Variants in FSTL4 observed in about 807,000 individuals in gnomAD.
The protein encoded by FSTL4 is follistatin like 4.
Under a neutral mutation model 78.2 loss-of-function variants are expected in FSTL4, and 28 were observed. The ratio of observed to expected loss-of-function variants is 0.36; its 90% CI spans 0.27 to 0.49. The LOEUF is 0.49. Among genes scored for constraint, FSTL4 ranks in the 20% least tolerant of loss-of-function variants. FSTL4 has a pLI of 0.98. For missense variants in FSTL4, 922 were observed against 1,084.9 expected (o/e 0.85, Z 2.11); for synonymous variants, 422 against 440.5 (o/e 0.96, Z 0.53).
intron 3 of FSTL4, among the ~76,000 whole-genome samples, chr5:133,495,578 G>C (rs755574446): frequency 9.9e-5 from 15 of 152,224 alleles, no homozygotes; most frequent in Non-Finnish European, 2.1e-4. Context: ...TCTACAAAGA[G>C]AGAACTGAAA....
At position 133,565,958 on chromosome 5, in the gene FSTL4, T is replaced by C. The variant is rs377420348; in HGVS notation, c.160+1228A>G. Among the ~76,000 whole-genome samples the C allele has an allele frequency of 1.0e-3, 154 of 152,344 alleles. 3 individuals are homozygous for C. In the South Asian group the frequency reaches 0.027, roughly 26 times the overall value. On this transcript the variant is annotated intron_variant, in intron 3 of 15. Transcript: ENST00000265342. ...CCAACTTACATGGTCACAGTACCCA[T>C]TGTGAACACTACTTTCCATAAGAAA...
At chr5:133,608,387 T>C (rs746624092) in intron 1 of FSTL4, among the ~76,000 whole-genome samples, 8 of 152,216 alleles carry the variant, frequency 5.3e-5, no homozygotes, top group Non-Finnish European at 1.2e-4. Flanking sequence ...TCAACAGACA[T>C]TCCCCCAGTC....
intron 2 of FSTL4, among the ~76,000 whole-genome samples, chr5:133,589,646 C>T (rs256243): frequency 2.0e-5 from 3 of 151,992 alleles, no homozygotes; most frequent in Admixed American, 6.5e-5. Flanking sequence ...GGCCACCCAC[C>T]GCCCAGCCCC....
intron 3 of FSTL4, among the ~76,000 whole-genome samples, chr5:133,508,285 G>A (rs1340264508): frequency 1.3e-5 from 2 of 152,158 alleles, no homozygotes; most frequent in Admixed American, 1.3e-4. Flanking sequence ...GGATGGGTGG[G>A]AATCATCTTA....
At chr5:133,431,713 A>G (rs1209564562) in intron 3 of FSTL4, among the ~76,000 whole-genome samples, 1 of 152,218 alleles carries the variant, frequency 6.6e-6, no homozygotes, top group Non-Finnish European at 1.5e-5. Context: ...TCACACAATC[A>G]TGAACTAAAA....
intron 4 of FSTL4, among the ~76,000 whole-genome samples, chr5:133,360,473 A>ATTT (rs57176651): frequency 4.6e-5 from 6 of 131,014 alleles, no homozygotes; most frequent in South Asian, 2.5e-4. Flanking sequence ...TCAGGCAATA[A>ATTT]TTTTTTTTTT....
the FSTL4 span, among the ~76,000 whole-genome samples, chr5:133,746,356 T>G: frequency 6.6e-6 from 1 of 152,222 alleles, no homozygotes; most frequent in African/African-American, 2.4e-5. Context: ...TACGTGGTCC[T>G]GTCCTTCTCT....
chr5:133,791,421 G>A, the FSTL4 span, among the ~76,000 whole-genome samples: 2 of 151,950 alleles, frequency 1.3e-5, no homozygotes, highest in South Asian at 2.1e-4. Flanking sequence ...GCTTCCCCTT[G>A]GTAGAAACTA....
At chr5:133,391,735 C>A (rs998452816) in intron 4 of FSTL4, among the ~76,000 whole-genome samples, 2 of 152,180 alleles carry the variant, frequency 1.3e-5, no homozygotes, top group African/African-American at 4.8e-5. Flanking sequence ...TTGCCACTGC[C>A]TGGGATACTC....
At chr5:133,582,480 C>T (rs1480655912) in intron 2 of FSTL4, among the ~76,000 whole-genome samples, 2 of 152,156 alleles carry the variant, frequency 1.3e-5, no homozygotes, top group Non-Finnish European at 2.9e-5. Flanking sequence ...CCTGGTTGTG[C>T]CCCCAGCAAT....
the FSTL4 span, among the ~76,000 whole-genome samples, chr5:133,783,141 T>C: frequency 3.3e-5 from 5 of 152,164 alleles, no homozygotes; most frequent in Non-Finnish European, 2.9e-5. Context: ...AACTCCCAAG[T>C]GCTCACAGTT....
chr5:133,462,589 C>T (rs975458637), intron 3 of FSTL4, among the ~76,000 whole-genome samples: 1 of 152,154 alleles, frequency 6.6e-6, no homozygotes, highest in African/African-American at 2.4e-5. Flanking sequence ...TCCATGACAA[C>T]GATTGGTTCG....
At chr5:133,329,375 G>A (rs191928222) in intron 4 of FSTL4, among the ~76,000 whole-genome samples, 1 of 151,806 alleles carries the variant, frequency 6.6e-6, no homozygotes, top group Non-Finnish European at 1.5e-5. Context: ...TCTCTTAGAG[G>A]GCCAGAACTC....
intron 11 of FSTL4, among the ~76,000 whole-genome samples, chr5:133,222,766 G>A (rs1329404062): frequency 6.6e-6 from 1 of 152,214 alleles, no homozygotes; most frequent in East Asian, 1.9e-4. Context: ...TGTAGCTTCT[G>A]CTAAGAGGGC....
chr5:133,794,653 C>T, the FSTL4 span, among the ~76,000 whole-genome samples: 3 of 152,210 alleles, frequency 2.0e-5, no homozygotes, highest in Admixed American at 2.0e-4. Flanking sequence ...TGACAAGCTG[C>T]AGAGGGCATC....
chr5:133,487,869 G>A (rs1758169094), intron 3 of FSTL4, among the ~76,000 whole-genome samples: 1 of 152,180 alleles, frequency 6.6e-6, no homozygotes, highest in African/African-American at 2.4e-5. Flanking sequence ...CACCGGGTCT[G>A]GCTCTAACTC....
At chr5:133,420,889 C>A (rs959971710) in intron 3 of FSTL4, among the ~76,000 whole-genome samples, 7 of 152,210 alleles carry the variant, frequency 4.6e-5, no homozygotes, top group African/African-American at 1.7e-4. Context: ...GTGTTCTATA[C>A]GAGAAGGGTG....
At chr5:133,659,269 A>G in the FSTL4 span, among the ~76,000 whole-genome samples, 1 of 152,216 alleles carries the variant, frequency 6.6e-6, no homozygotes, top group East Asian at 1.9e-4. Context: ...ATGTCTGTTG[A>G]TGACACATTA....
At chr5:133,772,091 C>CAT in the FSTL4 span, among the ~76,000 whole-genome samples, 1 of 152,042 alleles carries the variant, frequency 6.6e-6, no homozygotes. Context: ...ATGATTTTTG[C>CAT]CAGGTAAGTA....
Sources: allele counts gnomAD v4.1 joint callset (sites outside exome capture counted in the v4.1 genomes callset), GRCh38; gene constraint gnomAD v4.1.1; transcripts MANE v1.5; gene names NCBI Gene and HGNC (gene_info 2026-07-23, HGNC 2026-07-21).